Variants in MARCHF1 observed in about 807,000 individuals in gnomAD.
The protein encoded by MARCHF1 is membrane associated ring-CH-type finger 1, also known as E3 ubiquitin-protein ligase MARCHF1.
Under a neutral mutation model 54.2 loss-of-function variants are expected in MARCHF1, and 40 were observed. That is an observed-to-expected ratio of 0.74 (90% CI 0.57 to 0.96). The LOEUF (loss-of-function observed/expected upper bound fraction) is 0.96. Ranked by LOEUF, MARCHF1 falls within the 40% of genes least tolerant of loss-of-function variation. The probability of loss-of-function intolerance (pLI) is 0.00; values close to 1 mark genes in which losing one functional copy is unlikely to be tolerated. For synonymous variants in MARCHF1, 236 were observed against 236.3 expected, an observed-to-expected ratio of 1.00 and a Z score of 0.01; for missense variants, 586 against 656.5, an observed-to-expected ratio of 0.89 and a Z score of 1.17.
intron 1 of MARCHF1, among the ~76,000 whole-genome samples, chr4:164,268,528 T>G (rs1460167189): frequency 1.3e-5 from 2 of 152,308 alleles, no homozygotes; most frequent in East Asian, 3.9e-4. Flanking sequence ...GCTTGGGTTC[T>G]GTGCCCACAC....
chr4:164,099,427 T>C (rs954715374), intron 2 of MARCHF1, among the ~76,000 whole-genome samples: 2 of 152,158 alleles, frequency 1.3e-5, no homozygotes, highest in African/African-American at 2.4e-5. Context: ...TGTCAAAACA[T>C]CTTCCATTAT....
intron 1 of MARCHF1, chr4:164,197,300 G>A: frequency 6.2e-7 from 1 of 1,611,922 alleles, no homozygotes; most frequent in Non-Finnish European, 8.5e-7. Context: ...AGATATGTGA[G>A]TTGCAGGAGA....
chr4:164,198,305 G>C (rs562755158), intron 1 of MARCHF1, among the ~76,000 whole-genome samples: 1 of 152,156 alleles, frequency 6.6e-6, no homozygotes, highest in Non-Finnish European at 1.5e-5. Flanking sequence ...TATCTGTTCT[G>C]TCAGATTATA....
intron 7 of MARCHF1, among the ~76,000 whole-genome samples, chr4:163,588,914 A>G (rs1740495159): frequency 1.3e-5 from 2 of 152,326 alleles, no homozygotes; most frequent in South Asian, 2.1e-4. Flanking sequence ...ATTATTGACA[A>G]TAATAAAAAC....
intron 3 of MARCHF1, among the ~76,000 whole-genome samples, chr4:163,924,436 T>C (rs1751496623): frequency 6.6e-6 from 1 of 152,028 alleles, no homozygotes; most frequent in Non-Finnish European, 1.5e-5. Flanking sequence ...ATCAGGTTCA[T>C]GGGCATACAA....
At chr4:164,295,136 G>T (rs948973896) in intron 1 of MARCHF1, among the ~76,000 whole-genome samples, 1 of 152,024 alleles carries the variant, frequency 6.6e-6, no homozygotes, top group Non-Finnish European at 1.5e-5. Context: ...ACAAAGAGAC[G>T]CAATTGTAGA....
chr4:164,156,525 G>A (rs1393253653), intron 1 of MARCHF1, among the ~76,000 whole-genome samples: 1 of 152,134 alleles, frequency 6.6e-6, no homozygotes, highest in Non-Finnish European at 1.5e-5. Context: ...CTGGGCTCAA[G>A]CCATCCTCCT....
chr4:164,368,169 T>A (rs1730932971), intron 1 of MARCHF1, among the ~76,000 whole-genome samples: 2 of 146,990 alleles, frequency 1.4e-5, no homozygotes, highest in Non-Finnish European at 3.0e-5. Context: ...TTCTTATATA[T>A]GTTTAAAAAA....
chr4:164,212,772 C>T (rs1448529941), intron 1 of MARCHF1, among the ~76,000 whole-genome samples: 1 of 152,114 alleles, frequency 6.6e-6, no homozygotes, highest in East Asian at 1.9e-4. Context: ...TAAGAATTCT[C>T]CCATTTAATC....
intron 1 of MARCHF1, among the ~76,000 whole-genome samples, chr4:164,350,808 G>A (rs949987826): frequency 6.6e-6 from 1 of 152,108 alleles, no homozygotes; most frequent in Admixed American, 6.5e-5. Context: ...CCCAGCGTGA[G>A]CGACGCAGAA....
chr4:163,777,468 C>T (rs1300704194), intron 4 of MARCHF1, among the ~76,000 whole-genome samples: 1 of 152,052 alleles, frequency 6.6e-6, no homozygotes, highest in Admixed American at 6.6e-5. Flanking sequence ...TAAGGCATTA[C>T]ATGTTCACTG....
chr4:164,190,018 C>T, intron 1 of MARCHF1: 1 of 1,409,802 alleles, frequency 7.1e-7, no homozygotes, highest in Non-Finnish European at 1.0e-6. Context: ...GAGAAGTTTG[C>T]TGAGGAAGAC....
chr4:164,254,726 A>C (rs1276736716), intron 1 of MARCHF1, among the ~76,000 whole-genome samples: 3 of 152,136 alleles, frequency 2.0e-5, no homozygotes, highest in Admixed American at 1.3e-4. Flanking sequence ...AGCATGGCAG[A>C]AAGGTGTAGG....
rs1425288212 is a variant in MARCHF1, at chr4:164,176,966, CTCTCTCTCTCTCTCTATATATATATA to C, written c.-322-65330_-322-65305del. 4.1e-4 allele frequency among the ~76,000 whole-genome samples: 19 copies of C among 46,730 alleles called. 1 individual carries two copies. The highest frequency in any genetic ancestry group is 2.0e-3 in the African/African-American group (19 of 9,448). 30.7% of individuals were successfully genotyped at this position (46,730 alleles called of 152,430 possible). On this transcript the variant is annotated intron_variant, in intron 1 of 9. Transcript: ENST00000514618. ...GCTCTCTCTCTCTCTCTCTCTCTCT[CTCTCTCTCTCTCTCTATATATATATA>C]TATATATATATATATATACAAATGA...
chr4:163,534,928 A>AT (rs1428107101), intron 9 of MARCHF1, among the ~76,000 whole-genome samples: 1 of 152,100 alleles, frequency 6.6e-6, no homozygotes, highest in Non-Finnish European at 1.5e-5. Context: ...TCATTTTAGG[A>AT]TAAAAAATAC....
chr4:164,269,783 G>C (rs374887759), intron 1 of MARCHF1, among the ~76,000 whole-genome samples: 1 of 151,930 alleles, frequency 6.6e-6, no homozygotes, highest in Non-Finnish European at 1.5e-5. Context: ...CTGGGGAGGG[G>C]GGTTTATCGT....
chr4:164,281,283 C>A (rs984759257), intron 1 of MARCHF1, among the ~76,000 whole-genome samples: 4 of 152,108 alleles, frequency 2.6e-5, no homozygotes, highest in Non-Finnish European at 4.4e-5. Context: ...AACTATCAAA[C>A]ACCTCTCTTC....
At chr4:164,272,339 T>C (rs1165010341) in intron 1 of MARCHF1, among the ~76,000 whole-genome samples, 1 of 152,094 alleles carries the variant, frequency 6.6e-6, no homozygotes, top group Non-Finnish European at 1.5e-5. Context: ...CATTGTTTGT[T>C]ATATCAAAAA....
In MARCHF1 at chr4:163,810,391, T is replaced by G. The variant is rs551539512; in HGVS notation, c.111+43630A>C. On this transcript the variant is annotated intron_variant, in intron 4 of 9. Coordinates refer to ENST00000514618, the MANE Select transcript of MARCHF1 (RefSeq NM_001394959.1). Reference sequence around the variant, plus strand: ...CATAACTTTCCCATGATGTTTGTTTTTACCTTCTTTTACAAAGTAGCAAAT... The same window carrying G: ...CATAACTTTCCCATGATGTTTGTTTGTACCTTCTTTTACAAAGTAGCAAAT... Among the ~76,000 whole-genome samples, 4 of 152,334 alleles carry G rather than the reference T, an allele frequency of 2.6e-5. No individual in the cohort carries two copies. In the South Asian group the frequency reaches 8.3e-4, roughly 32 times the overall value.
Sources: gnomAD v4.1 joint callset for allele counts (sites outside exome capture counted in the v4.1 genomes callset) on GRCh38, gnomAD v4.1.1 for gene constraint, MANE v1.5 for transcripts, NCBI Gene and HGNC (gene_info 2026-07-23, HGNC 2026-07-21) for gene names.